MRTFB: variants seen among roughly 807,000 people sequenced by gnomAD.
MRTFB encodes myocardin related transcription factor B, also known as myocardin-related transcription factor B.
MRTFB carries 29 observed loss-of-function variants against 104.2 expected under a neutral mutation model. The observed-to-expected ratio is 0.28, with a 90% CI of 0.21 to 0.38. The LOEUF (loss-of-function observed/expected upper bound fraction) is 0.38, where lower values mean the gene tolerates loss of function less well. Ranked by LOEUF, MRTFB falls within the 10% of genes least tolerant of loss-of-function variation. The pLI is 1.00. For missense variants in MRTFB, 1,270 were observed against 1,341.6 expected (o/e 0.95, Z 0.83); for synonymous variants, 535 against 519.5 (o/e 1.03, Z -0.41).
At chr16:14,086,924 C>T (rs1337758392) in intron 2 of MRTFB, among the ~76,000 whole-genome samples, 1 of 152,148 alleles carries the variant, frequency 6.6e-6, no homozygotes, top group East Asian at 1.9e-4. Context: ...GCATCTGCAA[C>T]AGTTTCTTCC....
chr16:14,180,776 C>G (rs1384233191), intron 3 of MRTFB, among the ~76,000 whole-genome samples: 1 of 152,160 alleles, frequency 6.6e-6, no homozygotes, highest in Non-Finnish European at 1.5e-5. Context: ...TTCATGTCCT[C>G]AGAGAGGGTG....
intron 3 of MRTFB, chr16:14,200,249 T>C (rs1419907154): frequency 2.8e-6 from 4 of 1,407,834 alleles, no homozygotes; most frequent in Non-Finnish European, 2.9e-6. Flanking sequence ...AATACATCCA[T>C]ATGTTAGATA....
At chr16:14,183,816 A>C (rs979377329) in intron 3 of MRTFB, among the ~76,000 whole-genome samples, 1 of 152,070 alleles carries the variant, frequency 6.6e-6, no homozygotes, top group Non-Finnish European at 1.5e-5. Flanking sequence ...AACTTTTGAT[A>C]TAAACCTACA....
In MRTFB at chr16:14,248,904, TTTTTTTCAA is replaced by T; in HGVS notation, c.2248-19_2248-11del. The T allele has an allele frequency of 6.2e-7, 1 of 1,608,318 alleles. No individual in the cohort carries two copies. Among genetic ancestry groups the T allele is most frequent in the Non-Finnish European group, 8.5e-7 (1 of 1,177,354 alleles). On this transcript the variant is annotated splice_polypyrimidine_tract_variant and intron_variant, in intron 12 of 16. Coordinates refer to ENST00000571589, the MANE Select transcript of MRTFB (RefSeq NM_001308142.2). ...TTTGATTCTGACAATTAAATTGATG[TTTTTTTCAA>T]TTCACCTCCTAGACTTCACCACAAG...
At chr16:14,260,290 A>G (rs1203382769) in intron 16 of MRTFB, among the ~76,000 whole-genome samples, 1 of 151,966 alleles carries the variant, frequency 6.6e-6, no homozygotes, top group Non-Finnish European at 1.5e-5. Flanking sequence ...ATGTCATTGT[A>G]TATTTTCAGA....
At chr16:14,107,128 C>T (rs983044861) in intron 2 of MRTFB, among the ~76,000 whole-genome samples, 6 of 152,206 alleles carry the variant, frequency 3.9e-5, no homozygotes, top group African/African-American at 9.6e-5. Flanking sequence ...CTCAGCTACT[C>T]GTGCGGCTGA....
chr16:14,230,018 A>T (rs1010244), intron 8 of MRTFB, among the ~76,000 whole-genome samples: 16,322 of 152,192 alleles, frequency 0.11, 1,899 homozygotes, highest in African/African-American at 0.29. Context: ...ATTTTAAATA[A>T]TAAAAGTATT....
intron 2 of MRTFB, among the ~76,000 whole-genome samples, chr16:14,138,237 GATGATA>G (rs2037822932): frequency 6.6e-6 from 1 of 152,002 alleles, no homozygotes; most frequent in African/African-American, 2.4e-5. Context: ...TACTTTGAAT[GATGATA>G]ATGTAGAATA....
Position 14,112,947 on chromosome 16 carries a change from A to T in MRTFB, c.-63-27597A>T, listed in dbSNP as rs964318480. On this transcript the variant is annotated intron_variant, in intron 2 of 16. Coordinates refer to ENST00000571589, the MANE Select transcript of MRTFB (RefSeq NM_001308142.2). ...TAGTTTGTTCTTCAGCACCTACCAC[A>T]ATTTGACAGTATATATTTTACTTAT... 2.0e-5 allele frequency among the ~76,000 whole-genome samples: 3 copies of T among 152,168 alleles called. No homozygotes were observed. The South Asian group carries it at 6.2e-4, about 32-fold the overall frequency.
intron 3 of MRTFB, chr16:14,201,080 T>G: frequency 6.9e-7 from 1 of 1,443,638 alleles, no homozygotes. Flanking sequence ...GAGTGTTGGC[T>G]TTGTTTTTCC....
rs553962279 is a variant in MRTFB at position 14,221,345 on chromosome 16, C to T, written c.693+2347C>T. Reference sequence around the variant, plus strand: ...ATATACTTACTTTCATATTCGTAGCCCAAGGGGAAAGGACCTTGACACATT... The same window carrying T: ...ATATACTTACTTTCATATTCGTAGCTCAAGGGGAAAGGACCTTGACACATT... On this transcript the variant is annotated intron_variant, in intron 8 of 16. Transcript: ENST00000571589. Among the ~76,000 whole-genome samples the T allele has an allele frequency of 2.0e-5, 3 of 151,984 alleles. No individual in the cohort carries two copies. In the South Asian group the frequency reaches 6.2e-4, roughly 32 times the overall value.
intron 8 of MRTFB, among the ~76,000 whole-genome samples, chr16:14,226,140 T>G (rs1442880189): frequency 6.6e-6 from 1 of 152,194 alleles, no homozygotes; most frequent in African/African-American, 2.4e-5. Flanking sequence ...ATTGTTAATA[T>G]GTCAGTGCTA....
chr16:14,113,621 T>G (rs1017055819), intron 2 of MRTFB, among the ~76,000 whole-genome samples: 1 of 152,108 alleles, frequency 6.6e-6, no homozygotes, highest in Non-Finnish European at 1.5e-5. Flanking sequence ...ACTGGGACAT[T>G]GGATAATTAG....
the MRTFB span, among the ~76,000 whole-genome samples, chr16:14,029,466 A>G: frequency 6.9e-6 from 1 of 145,356 alleles, no homozygotes; most frequent in East Asian, 2.0e-4. Flanking sequence ...ACACATATAT[A>G]TAAACACACA....
At chr16:13,999,909 A>T in the MRTFB span, among the ~76,000 whole-genome samples, 1 of 152,200 alleles carries the variant, frequency 6.6e-6, no homozygotes, top group African/African-American at 2.4e-5. Context: ...CCTCCTCTGC[A>T]CCTTCAGTTT....
At chr16:14,178,006 G>A (rs1489417459) in intron 3 of MRTFB, among the ~76,000 whole-genome samples, 2 of 151,872 alleles carry the variant, frequency 1.3e-5, no homozygotes, top group Admixed American at 1.3e-4. Context: ...AGGAGAGATG[G>A]TGCAGAAATG....
chr16:14,196,735 C>T (rs1246377513), intron 3 of MRTFB, among the ~76,000 whole-genome samples: 1 of 152,168 alleles, frequency 6.6e-6, no homozygotes, highest in Non-Finnish European at 1.5e-5. Context: ...TTGTTTCAGA[C>T]AGGAAGTGCT....
chr16:14,000,281 C>T, the MRTFB span, among the ~76,000 whole-genome samples: 1 of 152,242 alleles, frequency 6.6e-6, no homozygotes, highest in South Asian at 2.1e-4. Context: ...CCCTTCCCAG[C>T]CCCCGGCGGG....
intron 5 of MRTFB, 41 bp from the exon 6 acceptor site, chr16:14,213,504 A>G (rs767141088): frequency 6.0e-5 from 82 of 1,374,232 alleles, no homozygotes; most frequent in Middle Eastern, 3.8e-4. Flanking sequence ...ACCACAATAA[A>G]TAATAAATGA....
Sources: allele counts gnomAD v4.1 joint callset (sites outside exome capture counted in the v4.1 genomes callset), GRCh38; gene constraint gnomAD v4.1.1; transcripts MANE v1.5; gene names NCBI Gene and HGNC (gene_info 2026-07-23, HGNC 2026-07-21).